The following CYSTM1 variants were observed in gnomAD, a reference collection of about 807,000 sequenced individuals.
CYSTM1 encodes cysteine-rich transmembrane module-containing protein 1.
Under a neutral mutation model 13.1 loss-of-function variants are expected in CYSTM1, and 4 were observed. The observed-to-expected ratio is 0.31, with a 90% CI of 0.15 to 0.70. CYSTM1 has a LOEUF of 0.70. CYSTM1 is among the 30% of genes least tolerant of loss of function. CYSTM1 has a pLI of 0.72. For missense variants in CYSTM1, 96 were observed against 121.6 expected (o/e 0.79, Z 0.99); for synonymous variants, 36 against 42.7 (o/e 0.84, Z 0.62).
At chr5:140,227,709 ATCTT>A (rs1764574293) in intron 2 of CYSTM1, among the ~76,000 whole-genome samples, 1 of 152,140 alleles carries the variant, frequency 6.6e-6, no homozygotes, top group Admixed American at 6.5e-5. Context: ...CCCCGGAACT[ATCTT>A]AGAGCAGTTG....
intron 2 of CYSTM1, among the ~76,000 whole-genome samples, chr5:140,225,792 G>A (rs1764541105): frequency 6.6e-6 from 1 of 152,222 alleles, no homozygotes; most frequent in African/African-American, 2.4e-5. Context: ...TTCCTGCCGT[G>A]AATCTACTGG....
At chr5:140,183,638 G>A (rs1763984945) in intron 1 of CYSTM1, among the ~76,000 whole-genome samples, 1 of 152,228 alleles carries the variant, frequency 6.6e-6, no homozygotes, top group Admixed American at 6.5e-5. Context: ...GGGGGTCCCA[G>A]CAGTATGGGG....
intron 2 of CYSTM1, among the ~76,000 whole-genome samples, chr5:140,224,732 G>A (rs1040798348): frequency 3.3e-5 from 5 of 151,982 alleles, no homozygotes; most frequent in African/African-American, 9.7e-5. Context: ...TATTGCCCAG[G>A]CCAGTCTTGA....
At chr5:140,198,488 A>G (rs1264892517) in intron 2 of CYSTM1, among the ~76,000 whole-genome samples, 1 of 152,228 alleles carries the variant, frequency 6.6e-6, no homozygotes, top group Non-Finnish European at 1.5e-5. Context: ...ATAGTCTGTC[A>G]TCATTAGGTG....
At chr5:140,211,614 C>T (rs1465875266) in intron 2 of CYSTM1, among the ~76,000 whole-genome samples, 1 of 152,182 alleles carries the variant, frequency 6.6e-6, no homozygotes, top group Non-Finnish European at 1.5e-5. Context: ...ACCTACTCTT[C>T]CCTTTTCCCC....
chr5:140,224,201 G>A (rs1334815301), intron 2 of CYSTM1, among the ~76,000 whole-genome samples: 3 of 152,084 alleles, frequency 2.0e-5, no homozygotes, highest in Non-Finnish European at 2.9e-5. Context: ...GTGCAGTGGC[G>A]AAATCTCGGC....
intron 1 of CYSTM1, among the ~76,000 whole-genome samples, chr5:140,192,714 C>G (rs1408490566): frequency 2.0e-5 from 3 of 152,216 alleles, no homozygotes; most frequent in Non-Finnish European, 4.4e-5. Context: ...TGAACCACTT[C>G]AGAACCAGTC....
intron 2 of CYSTM1, among the ~76,000 whole-genome samples, chr5:140,237,483 CCTT>C (rs1421055110): frequency 1.3e-5 from 2 of 152,198 alleles, no homozygotes; most frequent in African/African-American, 2.4e-5. Context: ...AACTTCTTTC[CCTT>C]CTTTGAACTC....
chr5:140,203,559 G>A lies in CYSTM1; in HGVS notation c.187+8907G>A, dbSNP rs557744248. The stretch of plus-strand genomic sequence containing the variant: ...TTTCAGTGGTGACAGGTGAATTCCT[G>A]TTGACTGAAACATTCTAAATAACAA... On this transcript the variant is annotated intron_variant, in intron 2 of 2. Transcript: ENST00000261811. Among the ~76,000 whole-genome samples, 13 of 152,322 alleles carry A rather than the reference G, an allele frequency of 8.5e-5. No individual in the cohort carries two copies. In the East Asian group the frequency reaches 2.3e-3, roughly 27 times the overall value.
intron 2 of CYSTM1, among the ~76,000 whole-genome samples, chr5:140,196,763 A>G (rs894889485): frequency 7.2e-5 from 11 of 152,328 alleles, no homozygotes; most frequent in Non-Finnish European, 1.0e-4. Context: ...AGAAAAGACT[A>G]CATATGGTAT....
In CYSTM1 at chr5:140,219,960, TTCTC is replaced by T. The variant is rs1764470849; in HGVS notation, c.188-23341_188-23338del. 6.6e-6 allele frequency among the ~76,000 whole-genome samples: 1 copy of T among 152,078 alleles called. No individual in the cohort carries two copies. The highest frequency in any genetic ancestry group is 2.4e-5 in the African/African-American group (1 of 41,400). ...AAGAGCCAGCTCCACTCAAAGTAAC[TTCTC>T]TCTTTTTTTTTTCTGTAACCCAGTG... is the stretch of plus-strand genomic sequence containing the variant. On this transcript the variant is annotated intron_variant, in intron 2 of 2. Coordinates refer to ENST00000261811, the MANE Select transcript of CYSTM1 (RefSeq NM_032412.4). The surrounding 1 kb of genome is among the most constrained non-coding windows in gnomAD (Gnocchi z 4.1).
chr5:140,177,426 T>G (rs1209418703), intron 1 of CYSTM1, among the ~76,000 whole-genome samples: 2 of 152,154 alleles, frequency 1.3e-5, no homozygotes, highest in Non-Finnish European at 2.9e-5. Context: ...CTTACCAAAG[T>G]CTGTTTTCTG....
intron 1 of CYSTM1, among the ~76,000 whole-genome samples, chr5:140,189,173 A>T (rs1328980194): frequency 6.6e-6 from 1 of 152,132 alleles, no homozygotes; most frequent in East Asian, 1.9e-4. Flanking sequence ...TGTGATCCCC[A>T]ATTATGGAGG....
At chr5:140,198,586 G>C (rs1581062336) in intron 2 of CYSTM1, among the ~76,000 whole-genome samples, 1 of 152,224 alleles carries the variant, frequency 6.6e-6, no homozygotes, top group East Asian at 1.9e-4. Flanking sequence ...CCCAGAACTG[G>C]CACAGCATCA....
chr5:140,196,584 A>G (rs1764161933), intron 2 of CYSTM1, among the ~76,000 whole-genome samples: 1 of 152,222 alleles, frequency 6.6e-6, no homozygotes, highest in South Asian at 2.1e-4. Context: ...GTTCTGTTGT[A>G]ACAGTTTTTA....
intron 2 of CYSTM1, among the ~76,000 whole-genome samples, chr5:140,242,865 T>G (rs1764767262): frequency 6.6e-6 from 1 of 152,222 alleles, no homozygotes; most frequent in East Asian, 1.9e-4. Flanking sequence ...GGCTCTTGAT[T>G]ATTCTTTAAG....
At chr5:140,177,798 G>A (rs1763909187) in intron 1 of CYSTM1, among the ~76,000 whole-genome samples, 1 of 152,166 alleles carries the variant, frequency 6.6e-6, no homozygotes, top group African/African-American at 2.4e-5. Context: ...GAAATCAGAT[G>A]TCTTGGCCTC....
At chr5:140,218,225 T>G (rs1332738762) in intron 2 of CYSTM1, among the ~76,000 whole-genome samples, 1 of 152,130 alleles carries the variant, frequency 6.6e-6, no homozygotes, top group African/African-American at 2.4e-5. Flanking sequence ...TAAACAGACA[T>G]CTCTTTTTTT....
intron 1 of CYSTM1, among the ~76,000 whole-genome samples, chr5:140,189,791 A>G (rs1421504446): frequency 6.6e-6 from 1 of 151,748 alleles, no homozygotes; most frequent in South Asian, 2.1e-4. Context: ...TTTCACTTCT[A>G]TATATATATA....
Sources: allele counts gnomAD v4.1 joint callset (sites outside exome capture counted in the v4.1 genomes callset), GRCh38; gene constraint gnomAD v4.1.1; non-coding constraint Gnocchi (gnomAD v3.1); transcripts MANE v1.5; gene names NCBI Gene and HGNC (gene_info 2026-07-23, HGNC 2026-07-21).